The following SLX4IP variants were observed in gnomAD, a reference collection of about 807,000 sequenced individuals.
The protein encoded by SLX4IP is protein SLX4IP.
In SLX4IP, 34 loss-of-function variants were observed where a neutral mutation model predicts 32.9. That is an observed-to-expected ratio of 1.03 (90% CI 0.79 to 1.38). The LOEUF (loss-of-function observed/expected upper bound fraction) is 1.38, where lower values mean the gene tolerates loss of function less well. SLX4IP is among the 40% of genes most tolerant of loss of function. The probability of loss-of-function intolerance (pLI) is 0.00; values close to 1 mark genes in which losing one functional copy is unlikely to be tolerated. For synonymous variants in SLX4IP, 172 were observed against 171.7 expected, an observed-to-expected ratio of 1.00 and a Z score of -0.01; for missense variants, 444 against 479.0, an observed-to-expected ratio of 0.93 and a Z score of 0.68.
At chr20:10,569,065 T>C (rs913312948) in intron 4 of SLX4IP, among the ~76,000 whole-genome samples, 10 of 152,306 alleles carry the variant, frequency 6.6e-5, no homozygotes, top group Admixed American at 1.3e-4. Flanking sequence ...TGAAGGGTCC[T>C]TACTTGAGGA....
At position 10,616,394 on chromosome 20, in the gene SLX4IP, A is replaced by T. The variant is rs774710275; in HGVS notation, c.406-4920A>T. Reference sequence around the variant, plus strand: ...GTCAAGTCCCAAAAAAAAAAATGAAATAAATAAATAAATAAATAAATAAAT... The same window carrying T: ...GTCAAGTCCCAAAAAAAAAAATGAATTAAATAAATAAATAAATAAATAAAT... On this transcript the variant is annotated intron_variant, in intron 6 of 7. Coordinates refer to ENST00000334534, the MANE Select transcript of SLX4IP (RefSeq NM_001009608.3). Among the ~76,000 whole-genome samples the T allele has an allele frequency of 3.5e-3, 178 of 51,384 alleles. 2 individuals carry two copies. The highest frequency in any genetic ancestry group is 4.0e-3 in the Non-Finnish European group (120 of 30,316). 33.7% of individuals were successfully genotyped at this position (51,384 alleles called of 152,430 possible).
At chr20:10,520,411 A>T (rs2065892762) in intron 2 of SLX4IP, among the ~76,000 whole-genome samples, 1 of 152,188 alleles carries the variant, frequency 6.6e-6, no homozygotes, top group African/African-American at 2.4e-5. Context: ...AGTGTTCATT[A>T]TATATTCTGA....
chr20:10,447,845 T>C (rs2065213673), intron 1 of SLX4IP, among the ~76,000 whole-genome samples: 1 of 148,694 alleles, frequency 6.7e-6, no homozygotes, highest in Non-Finnish European at 1.5e-5. Context: ...GGACCACAGG[T>C]GGGGGCTCCA....
At chr20:10,504,525 G>A (rs746669148) in intron 2 of SLX4IP, among the ~76,000 whole-genome samples, 7 of 152,184 alleles carry the variant, frequency 4.6e-5, no homozygotes, top group Non-Finnish European at 7.3e-5. Flanking sequence ...CAGTGGCATT[G>A]TTGTAGAGGA....
intron 2 of SLX4IP, among the ~76,000 whole-genome samples, chr20:10,475,789 A>C (rs1288831975): frequency 6.6e-6 from 1 of 152,194 alleles, no homozygotes; most frequent in African/African-American, 2.4e-5. Flanking sequence ...TCACATGGTA[A>C]ATACATGGCT....
intron 6 of SLX4IP, among the ~76,000 whole-genome samples, chr20:10,607,030 GT>G (rs1370816419): frequency 2.0e-5 from 3 of 152,028 alleles, no homozygotes; most frequent in Admixed American, 2.0e-4. Context: ...TTGGTGTTAT[GT>G]TTTTCAAATT....
intron 1 of SLX4IP, among the ~76,000 whole-genome samples, chr20:10,445,698 C>A (rs111914223): frequency 0.065 from 9,769 of 150,436 alleles, 386 homozygotes; most frequent in East Asian, 0.2. Context: ...GATCTCGGCT[C>A]ACTGCAACCT....
At chr20:10,488,632 A>AAC (rs2122392694) in intron 2 of SLX4IP, among the ~76,000 whole-genome samples, 1 of 152,306 alleles carries the variant, frequency 6.6e-6, no homozygotes, top group South Asian at 2.1e-4. Flanking sequence ...TTTGTAAAAT[A>AAC]ACAGTATTGG....
intron 2 of SLX4IP, among the ~76,000 whole-genome samples, chr20:10,462,788 G>T (rs2122350062): frequency 6.6e-6 from 1 of 152,318 alleles, no homozygotes; most frequent in Admixed American, 6.5e-5. Context: ...AAAGTGTAAG[G>T]GTGGAAAGGG....
At chr20:10,516,772 C>T (rs2065853576) in intron 2 of SLX4IP, among the ~76,000 whole-genome samples, 1 of 152,150 alleles carries the variant, frequency 6.6e-6, no homozygotes, top group Non-Finnish European at 1.5e-5. Flanking sequence ...GTTAGGTTGT[C>T]TCCATTGGCT....
rs145766725 is a variant in SLX4IP, at chr20:10,474,682, C to T, written c.27+16451C>T. On this transcript the variant is annotated intron_variant, in intron 2 of 7. Transcript: ENST00000334534. ...GGAGCCTCTCCACTTCCGCCGGCCG[C>T]CTTGTTCACTTCCTTTTTTTCCCTC... 7.9e-5 allele frequency among the ~76,000 whole-genome samples: 12 copies of T among 152,374 alleles called. No individual in the cohort carries two copies. The South Asian group carries it at 8.3e-4, about 11-fold the overall frequency.
chr20:10,619,504 A>C (rs558935451), intron 6 of SLX4IP, among the ~76,000 whole-genome samples: 9 of 152,190 alleles, frequency 5.9e-5, no homozygotes, highest in Non-Finnish European at 1.3e-4. Flanking sequence ...TCACTATCAC[A>C]GCATCATACT....
At chr20:10,474,922 C>T (rs370882756) in intron 2 of SLX4IP, among the ~76,000 whole-genome samples, 1 of 152,196 alleles carries the variant, frequency 6.6e-6, no homozygotes, top group South Asian at 2.1e-4. Flanking sequence ...GGGTTCAGGC[C>T]ATGGGTGGTG....
At position 10,572,911 on chromosome 20, in the gene SLX4IP, C is replaced by T. The variant is rs1782675022; in HGVS notation, c.238+12091C>T. On this transcript the variant is annotated intron_variant, in intron 4 of 7. Coordinates refer to ENST00000334534, the MANE Select transcript of SLX4IP (RefSeq NM_001009608.3). ...CCAAGCAGCGTTCTGTGGTGGGGCACATTACCACCATGTTGGGGAATCAGT... is the reference window on the plus strand; with the variant it reads ...CCAAGCAGCGTTCTGTGGTGGGGCATATTACCACCATGTTGGGGAATCAGT... Among the ~76,000 whole-genome samples, 3 of 152,214 alleles carry T rather than the reference C, an allele frequency of 2.0e-5. No individual in the cohort carries two copies. In the South Asian group the frequency reaches 6.2e-4, roughly 31 times the overall value.
At chr20:10,444,656 A>G (rs555301864) in intron 1 of SLX4IP, among the ~76,000 whole-genome samples, 13 of 152,162 alleles carry the variant, frequency 8.5e-5, no homozygotes, top group Middle Eastern at 3.4e-3. Flanking sequence ...GATTACAGAC[A>G]TGAGCCACCG....
intron 2 of SLX4IP, among the ~76,000 whole-genome samples, chr20:10,546,902 A>T (rs1296691567): frequency 1.3e-5 from 2 of 152,212 alleles, no homozygotes; most frequent in African/African-American, 2.4e-5. Flanking sequence ...ATCAGTTCTC[A>T]TCTTTCGAAG....
intron 1 of SLX4IP, among the ~76,000 whole-genome samples, chr20:10,437,572 C>A (rs546766051): frequency 6.6e-6 from 1 of 152,352 alleles, no homozygotes; most frequent in African/African-American, 2.4e-5. Flanking sequence ...AAGGAACCAG[C>A]TTCCCAGTAA....
intron 2 of SLX4IP, among the ~76,000 whole-genome samples, chr20:10,515,042 G>A (rs556241268): frequency 7.1e-6 from 1 of 141,452 alleles, no homozygotes; most frequent in Non-Finnish European, 1.5e-5. Flanking sequence ...AGGTCGATGC[G>A]TCTTTTGTTA....
intron 2 of SLX4IP, among the ~76,000 whole-genome samples, chr20:10,536,408 A>G (rs2066044701): frequency 6.6e-6 from 1 of 152,048 alleles, no homozygotes; most frequent in Admixed American, 6.5e-5. Context: ...AGTTGGTTGC[A>G]GTGAGCAGTG....
Sources: allele counts gnomAD v4.1 joint callset (sites outside exome capture counted in the v4.1 genomes callset), GRCh38; gene constraint gnomAD v4.1.1; transcripts MANE v1.5; gene names NCBI Gene and HGNC (gene_info 2026-07-23, HGNC 2026-07-21).